The following PIWIL2 variants were observed in gnomAD, a reference collection of about 807,000 sequenced individuals.
PIWIL2 encodes piwi-like protein 2.
Under a neutral mutation model 116.5 loss-of-function variants are expected in PIWIL2, and 81 were observed. That is an observed-to-expected ratio of 0.70 (90% CI 0.58 to 0.84). The LOEUF is 0.84. Ranked by LOEUF, PIWIL2 falls within the 40% of genes least tolerant of loss-of-function variation. The pLI, the probability that PIWIL2 is intolerant of heterozygous loss-of-function variation, is 0.00. For synonymous variants in PIWIL2, 489 were observed against 429.5 expected, an observed-to-expected ratio of 1.14 and a Z score of -1.71; for missense variants, 1,272 against 1,212.3, an observed-to-expected ratio of 1.05 and a Z score of -0.73.
At chr8:22,318,398 A>T (rs568456222) in intron 20 of PIWIL2, 123 bp downstream of exon 20, 2 of 562,280 alleles carry the variant, frequency 3.6e-6, no homozygotes, top group African/African-American at 1.9e-5. Flanking sequence ...GTTCACTGCA[A>T]CCTCTGCCTC....
chr8:22,343,711 G>A (rs1323685011), intron 20 of PIWIL2, among the ~76,000 whole-genome samples: 5 of 152,212 alleles, frequency 3.3e-5, no homozygotes, highest in Non-Finnish European at 5.9e-5. Flanking sequence ...ACCTATAAAT[G>A]ATCAGAATTC....
chr8:22,314,287 G>T (rs1423473747), intron 16 of PIWIL2, 41 bp from the exon 17 acceptor site: 5 of 1,130,046 alleles, frequency 4.4e-6, no homozygotes, highest in Non-Finnish European at 6.1e-6. Flanking sequence ...AGTCCCCAGA[G>T]AATTCCACAG....
intron 14 of PIWIL2, 31 bp downstream of exon 14, chr8:22,308,104 A>G: frequency 6.3e-7 from 1 of 1,576,752 alleles, no homozygotes; most frequent in Non-Finnish European, 8.7e-7. Flanking sequence ...GTGTATGCAC[A>G]TGTACAGAGA....
intron 20 of PIWIL2, among the ~76,000 whole-genome samples, chr8:22,323,070 C>A (rs943029637): frequency 3.3e-5 from 5 of 151,696 alleles, no homozygotes; most frequent in Non-Finnish European, 7.4e-5. Flanking sequence ...CACACCACCA[C>A]ACCCAGCTAA....
At chr8:22,318,463 G>A (rs1213039683) in intron 20 of PIWIL2, among the ~76,000 whole-genome samples, 188 bp downstream of exon 20, 5 of 152,186 alleles carry the variant, frequency 3.3e-5, no homozygotes, top group South Asian at 2.1e-4. Flanking sequence ...GATTACAGGC[G>A]TGCACCAGCA....
chr8:22,314,478 C>G (rs565304789), intron 17 of PIWIL2, 49 bp downstream of exon 17: 5 of 945,550 alleles, frequency 5.3e-6, no homozygotes, highest in Non-Finnish European at 7.9e-6. Flanking sequence ...CTCGCCTCCC[C>G]GAGGCTTGAG....
chr8:22,276,086 T>C (rs1479879796), intron 1 of PIWIL2: 3 of 152,154 alleles, frequency 2.0e-5, no homozygotes, highest in African/African-American at 7.3e-5. Context: ...GTTGGGGAGG[T>C]GTGAGCAGAG....
chr8:22,290,277 A>T lies in PIWIL2; in HGVS notation c.1112A>T (p.Asp371Val). 6.2e-7 allele frequency: 1 copy of T among 1,612,706 alleles called. No individual in the cohort carries two copies. The highest frequency in any genetic ancestry group is 8.5e-7 in the Non-Finnish European group (1 of 1,178,766). Residue 371 changes from aspartate (D) to valine (V), a missense_variant, in exon 10 of 23, where the codon GAT becomes GTT. By Grantham distance (152) the Asp-to-Val change is radical. Coordinates refer to ENST00000356766, the MANE Select transcript of PIWIL2 (RefSeq NM_018068.5). ...PGYAASIRRT[D>V]GGLFLLADVS... ...TATGCAGCTAGCATCCGAAGGACAG[A>T]TGGAGGGCTCTTCCTGCTAGCTGAT...
intron 14 of PIWIL2, among the ~76,000 whole-genome samples, chr8:22,308,642 G>A (rs1831247838): frequency 6.6e-6 from 1 of 152,036 alleles, no homozygotes; most frequent in Admixed American, 6.6e-5. Flanking sequence ...GACAGAGGGA[G>A]AATCCATCTC....
chr8:22,301,851 A>C (rs1029241167), intron 10 of PIWIL2, among the ~76,000 whole-genome samples: 3 of 152,010 alleles, frequency 2.0e-5, no homozygotes, highest in African/African-American at 7.3e-5. Context: ...GTATCATAGC[A>C]CTGTTTCTTG....
In PIWIL2 at chr8:22,314,399, G is replaced by A. The variant is rs1831403882; in HGVS notation, c.2061G>A (p.Leu687=). 2 of 1,586,468 alleles carry A rather than the reference G, an allele frequency of 1.3e-6. No homozygotes were observed. The highest frequency in any genetic ancestry group is 2.7e-5 in the African/African-American group (2 of 73,944). The change falls in exon 17 of 23, where the codon CTG becomes CTA. Residue 687 remains leucine, a synonymous_variant. Transcript: ENST00000356766. ...ATCTCTATGGGGCCATCAAGAAGCT[G>A]TGCTGTGTGCAGTCCCCAGTGCCCT... is the stretch of plus-strand genomic sequence containing the variant. The part of the protein sequence containing the change: ...RDDLYGAIKK[L]CCVQSPVPSQ...
chr8:22,315,423 T>C (rs2132051923), intron 18 of PIWIL2, among the ~76,000 whole-genome samples: 1 of 152,260 alleles, frequency 6.6e-6, no homozygotes, highest in Non-Finnish European at 1.5e-5. Flanking sequence ...TTCAAGCAAT[T>C]CTCCTGCCTC....
At chr8:22,290,909 G>A (rs1350000019) in intron 10 of PIWIL2, among the ~76,000 whole-genome samples, 1 of 151,742 alleles carries the variant, frequency 6.6e-6, no homozygotes, top group Non-Finnish European at 1.5e-5. Context: ...ATATGCGCAT[G>A]CTGAGTTTGC....
intron 10 of PIWIL2, among the ~76,000 whole-genome samples, chr8:22,290,613 ATTTTTTT>A (rs34573190): frequency 0.034 from 3,904 of 114,094 alleles, 74 homozygotes; most frequent in African/African-American, 0.043. Context: ...CCAATTTTTA[ATTTTTTT>A]TTTTTTTTTT....
At chr8:22,336,872 A>C (rs1404391771) in intron 20 of PIWIL2, among the ~76,000 whole-genome samples, 1 of 152,180 alleles carries the variant, frequency 6.6e-6, no homozygotes, top group Admixed American at 6.6e-5. Flanking sequence ...ACCATTTATG[A>C]AAAATAGAAG....
chr8:22,344,347 C>T (rs899195040), intron 20 of PIWIL2, among the ~76,000 whole-genome samples: 19 of 152,098 alleles, frequency 1.2e-4, no homozygotes, highest in Admixed American at 1.3e-4. Context: ...GTTAATGTAT[C>T]AACATTTGGT....
intron 4 of PIWIL2, among the ~76,000 whole-genome samples, chr8:22,281,898 G>A (rs2131981740): frequency 7.0e-6 from 1 of 142,324 alleles, no homozygotes; most frequent in African/African-American, 2.6e-5. Flanking sequence ...CAGCCTCCCA[G>A]GTGTCTGGGA....
At chr8:22,287,401 T>C (rs763509520) in intron 6 of PIWIL2, 127 bp from the exon 7 acceptor site, 13 of 713,300 alleles carry the variant, frequency 1.8e-5, no homozygotes, top group Non-Finnish European at 2.9e-5. Context: ...TCTAGGCAGA[T>C]AGATAATTTT....
intron 20 of PIWIL2, among the ~76,000 whole-genome samples, chr8:22,325,481 CTTT>C (rs749493740): frequency 0.012 from 1,137 of 95,000 alleles, 18 homozygotes; most frequent in African/African-American, 0.042. Flanking sequence ...TTGATTTAGT[CTTT>C]TTTTTTTTTT....
Sources: gnomAD v4.1 joint callset for allele counts (sites outside exome capture counted in the v4.1 genomes callset) on GRCh38, gnomAD v4.1.1 for gene constraint, MANE v1.5 for transcripts, NCBI Gene and HGNC (gene_info 2026-07-23, HGNC 2026-07-21) for gene names.